WSCD2: variants seen among roughly 807,000 people sequenced by gnomAD.
WSCD2 encodes sialate:O-sulfotransferase 2.
A neutral mutation model predicts 55.7 loss-of-function variants in WSCD2; 28 were observed. That is an observed-to-expected ratio of 0.50 (90% CI 0.37 to 0.69). The LOEUF is 0.69. Ranked by LOEUF, WSCD2 falls within the 30% of genes least tolerant of loss-of-function variation. The pLI is 0.00. For missense variants in WSCD2, 616 were observed against 762.1 expected, an observed-to-expected ratio of 0.81 and a Z score of 2.26; for synonymous variants, 301 against 301.9, an observed-to-expected ratio of 1.00 and a Z score of 0.03.
At chr12:108,164,940 G>A (rs977790489) in intron 1 of WSCD2, among the ~76,000 whole-genome samples, 1 of 152,178 alleles carries the variant, frequency 6.6e-6, no homozygotes, top group Non-Finnish European at 1.5e-5. Flanking sequence ...GGGCTCATTT[G>A]CTAACCAGCA....
At chr12:108,217,329 G>A (rs1474256823) in intron 4 of WSCD2, among the ~76,000 whole-genome samples, 3 of 152,226 alleles carry the variant, frequency 2.0e-5, no homozygotes, top group Admixed American at 2.0e-4. Flanking sequence ...GGGAAGCCAA[G>A]AGATTCCCTA....
intron 7 of WSCD2, among the ~76,000 whole-genome samples, chr12:108,234,208 G>A (rs935562978): frequency 6.6e-6 from 1 of 152,216 alleles, no homozygotes; most frequent in Non-Finnish European, 1.5e-5. Flanking sequence ...GTGTTGGGCC[G>A]CATTCAACGT....
chr12:108,220,650 C>T (rs536506467), intron 4 of WSCD2, among the ~76,000 whole-genome samples: 1 of 152,300 alleles, frequency 6.6e-6, no homozygotes, highest in South Asian at 2.1e-4. Context: ...CCATATCAGC[C>T]TCCTGAGTAG....
At position 108,173,810 on chromosome 12, in the gene WSCD2, C is replaced by CTCTCTGTGTGTG. The variant is rs376999073; in HGVS notation, c.-551-21471_-551-21470insCTCTGTGTGTGT. ...TGAGGCAGAGCTGATTCCTGGCTCT[C>CTCTCTGTGTGTG]TGTGTGTGTGTGTGTGTGTGTGTGT... On this transcript the variant is annotated intron_variant, in intron 1 of 8. Transcript: ENST00000547525. 3.4e-3 allele frequency among the ~76,000 whole-genome samples: 447 copies of CTCTCTGTGTGTG among 131,232 alleles called. 3 individuals are homozygous for CTCTCTGTGTGTG. The highest frequency in any genetic ancestry group is 0.012 in the East Asian group (54 of 4,540). 86.1% of individuals were successfully genotyped at this position (131,232 alleles called of 152,430 possible).
At chr12:108,245,740 C>G (rs983124576) in intron 8 of WSCD2, among the ~76,000 whole-genome samples, 1 of 152,216 alleles carries the variant, frequency 6.6e-6, no homozygotes, top group African/African-American at 2.4e-5. Flanking sequence ...AAAAGGAAAA[C>G]AGAGCATACA....
At chr12:108,142,984 A>G (rs1345373086) in intron 1 of WSCD2, among the ~76,000 whole-genome samples, 1 of 152,052 alleles carries the variant, frequency 6.6e-6, no homozygotes, top group African/African-American at 2.4e-5. Flanking sequence ...CTAATTTTTA[A>G]AAAAATTTTT....
intron 1 of WSCD2, among the ~76,000 whole-genome samples, chr12:108,164,927 T>C (rs1387874128): frequency 3.3e-5 from 5 of 152,148 alleles, no homozygotes; most frequent in African/African-American, 1.2e-4. Flanking sequence ...CTCCTTTTCA[T>C]GTGGGCTCAT....
chr12:108,201,763 G>A (rs1210088031), intron 2 of WSCD2, among the ~76,000 whole-genome samples: 1 of 152,090 alleles, frequency 6.6e-6, no homozygotes, highest in Non-Finnish European at 1.5e-5. Context: ...TTCATGTTTA[G>A]CTACCCTTTT....
chr12:108,212,371 G>A (rs1886304595), intron 4 of WSCD2, among the ~76,000 whole-genome samples: 2 of 152,172 alleles, frequency 1.3e-5, no homozygotes, highest in Non-Finnish European at 2.9e-5. Context: ...AGTGGATGAA[G>A]CTGAGACAGA....
chr12:108,137,664 T>G (rs749887564), intron 1 of WSCD2, among the ~76,000 whole-genome samples: 4 of 152,234 alleles, frequency 2.6e-5, no homozygotes, highest in Admixed American at 1.3e-4. Context: ...TATAGGACAC[T>G]GAAATGGCCA....
intron 1 of WSCD2, among the ~76,000 whole-genome samples, chr12:108,176,075 A>G (rs1016969720): frequency 2.6e-5 from 4 of 152,032 alleles, no homozygotes; most frequent in Admixed American, 6.5e-5. Flanking sequence ...TCCTGACCTC[A>G]TGATCCGCCC....
intron 1 of WSCD2, among the ~76,000 whole-genome samples, chr12:108,191,609 G>A (rs1219749937): frequency 6.6e-6 from 1 of 152,166 alleles, no homozygotes; most frequent in African/African-American, 2.4e-5. Flanking sequence ...ATGGTTGTAG[G>A]TGTAAGCCCT....
intron 1 of WSCD2, among the ~76,000 whole-genome samples, chr12:108,138,524 G>T (rs1430870874): frequency 6.6e-6 from 1 of 152,128 alleles, no homozygotes; most frequent in African/African-American, 2.4e-5. Context: ...ACCTCATAGG[G>T]TTCTTACAGG....
chr12:108,196,268 C>T, intron 2 of WSCD2, 54 bp downstream of exon 2: 2 of 1,520,780 alleles, frequency 1.3e-6, no homozygotes, highest in Non-Finnish European at 8.8e-7. Context: ...GGAGGAGATA[C>T]TAACAATGTA....
intron 4 of WSCD2, among the ~76,000 whole-genome samples, chr12:108,220,037 G>C (rs1239827021): frequency 6.6e-6 from 1 of 152,200 alleles, no homozygotes; most frequent in African/African-American, 2.4e-5. Context: ...GGGTGGGAGA[G>C]AGAAAATCAA....
At chr12:108,150,334 C>A (rs1877844816) in intron 1 of WSCD2, among the ~76,000 whole-genome samples, 2 of 152,118 alleles carry the variant, frequency 1.3e-5, no homozygotes, top group South Asian at 4.1e-4. Context: ...TAAATAAGTT[C>A]TTTAAAGGAA....
chr12:108,175,378 A>C (rs1306631592), intron 1 of WSCD2, among the ~76,000 whole-genome samples: 1 of 152,186 alleles, frequency 6.6e-6, no homozygotes, highest in Admixed American at 6.5e-5. Flanking sequence ...AAAGAGAGGA[A>C]GCATGTGCCC....
chr12:108,233,652 T>C (rs1376224986), intron 7 of WSCD2, among the ~76,000 whole-genome samples: 1 of 151,300 alleles, frequency 6.6e-6, no homozygotes, highest in African/African-American at 2.4e-5. Context: ...GTCACACAAT[T>C]TTTTTTTTCA....
intron 4 of WSCD2, among the ~76,000 whole-genome samples, chr12:108,217,648 C>T (rs10778615): frequency 0.69 from 105,337 of 152,014 alleles, 36,630 homozygotes; most frequent in East Asian, 0.71. Context: ...CACCGTTTCC[C>T]CACAAAGTAA....
Sources: allele counts gnomAD v4.1 joint callset (sites outside exome capture counted in the v4.1 genomes callset), GRCh38; gene constraint gnomAD v4.1.1; transcripts MANE v1.5; gene names NCBI Gene and HGNC (gene_info 2026-07-23, HGNC 2026-07-21).